The following CTNND2 variants were observed in gnomAD, a reference collection of about 807,000 sequenced individuals.
CTNND2 encodes the protein catenin delta 2.
In CTNND2, 22 loss-of-function variants were observed where a neutral mutation model predicts 144.4. The observed-to-expected ratio is 0.15, with a 90% CI of 0.11 to 0.22. The LOEUF (loss-of-function observed/expected upper bound fraction) is 0.22. Among genes scored for constraint, CTNND2 ranks in the 10% least tolerant of loss-of-function variants. The pLI is 1.00. For synonymous variants in CTNND2, 751 were observed against 695.6 expected (o/e 1.08, Z -1.25); for missense variants, 1,353 against 1,618.8 (o/e 0.84, Z 2.82).
rs1424619971 is a variant in CTNND2, at chr5:11,145,259, CA to C, written c.2159+14316del. The stretch of plus-strand genomic sequence containing the variant: ...CAATATTTTTTCATCTAAATCAAAG[CA>C]AAAAAATACAGGATGAAAATATTAC... On this transcript the variant is annotated intron_variant, in intron 12 of 21. Transcript: ENST00000304623. 2.6e-5 allele frequency among the ~76,000 whole-genome samples: 4 copies of C among 151,784 alleles called. No individual in the cohort carries two copies. The East Asian group carries it at 7.7e-4, about 29-fold the overall frequency.
intron 12 of CTNND2, among the ~76,000 whole-genome samples, chr5:11,135,050 A>G (rs950714592): frequency 7.9e-5 from 12 of 152,204 alleles, no homozygotes; most frequent in Admixed American, 3.3e-4. Context: ...CTTTTACAGT[A>G]CATGTGTCAG....
intron 1 of CTNND2, among the ~76,000 whole-genome samples, chr5:11,756,868 G>T (rs1016972194): frequency 6.6e-6 from 1 of 151,288 alleles, no homozygotes; most frequent in African/African-American, 2.4e-5. Context: ...GCTTTTAGTT[G>T]TTATGTGAAA....
intron 9 of CTNND2, among the ~76,000 whole-genome samples, chr5:11,336,455 G>A (rs1481576211): frequency 2.0e-5 from 3 of 152,150 alleles, no homozygotes; most frequent in African/African-American, 7.2e-5. Context: ...AGGAAAACAA[G>A]TCTTGTGTCT....
chr5:11,115,806 T>C (rs1027268475), intron 13 of CTNND2, among the ~76,000 whole-genome samples: 5 of 152,230 alleles, frequency 3.3e-5, no homozygotes, highest in Non-Finnish European at 2.9e-5. Flanking sequence ...CAGAGGTACC[T>C]TGCATTCAGA....
chr5:11,200,358 G>A (rs1737298681), intron 10 of CTNND2, among the ~76,000 whole-genome samples: 1 of 152,108 alleles, frequency 6.6e-6, no homozygotes, highest in South Asian at 2.1e-4. Flanking sequence ...TGTATTTTGA[G>A]ATGCATGTTC....
intron 10 of CTNND2, among the ~76,000 whole-genome samples, chr5:11,206,782 C>CT (rs1286372974): frequency 6.6e-6 from 1 of 152,170 alleles, no homozygotes; most frequent in East Asian, 1.9e-4. Flanking sequence ...TGAATAACTG[C>CT]TTTCCCTGAA....
intron 1 of CTNND2, among the ~76,000 whole-genome samples, chr5:11,824,065 T>C (rs1793469404): frequency 7.1e-6 from 1 of 140,938 alleles, no homozygotes. Context: ...ATTGCACCAC[T>C]GTACTCCAGC....
At chr5:10,986,018 A>C (rs1737900662) in intron 20 of CTNND2, among the ~76,000 whole-genome samples, 1 of 152,168 alleles carries the variant, frequency 6.6e-6, no homozygotes, top group Non-Finnish European at 1.5e-5. Flanking sequence ...CTTTAGAGGA[A>C]CTTCCCTATA....
At chr5:11,119,759 A>G (rs769095534) in intron 12 of CTNND2, among the ~76,000 whole-genome samples, 5 of 152,238 alleles carry the variant, frequency 3.3e-5, no homozygotes, top group Non-Finnish European at 7.3e-5. Flanking sequence ...GTGGCAAGTT[A>G]GCATTTCCAA....
intron 10 of CTNND2, among the ~76,000 whole-genome samples, chr5:11,216,565 C>G (rs1739222096): frequency 6.6e-6 from 1 of 152,196 alleles, no homozygotes. Context: ...ACCCTAGAGG[C>G]TCCAGAAAGG....
intron 2 of CTNND2, among the ~76,000 whole-genome samples, chr5:11,704,176 G>C (rs1267092341): frequency 1.3e-5 from 2 of 152,192 alleles, no homozygotes; most frequent in African/African-American, 4.8e-5. Flanking sequence ...CCTCAATAGT[G>C]CTCATCCCAT....
At chr5:11,687,774 T>C (rs763683713) in intron 2 of CTNND2, among the ~76,000 whole-genome samples, 3 of 152,138 alleles carry the variant, frequency 2.0e-5, no homozygotes, top group Non-Finnish European at 4.4e-5. Context: ...ACACAGTGTG[T>C]TGGAAGTAAA....
At chr5:11,661,900 C>T (rs1487694881) in intron 2 of CTNND2, among the ~76,000 whole-genome samples, 1 of 151,764 alleles carries the variant, frequency 6.6e-6, no homozygotes, top group Non-Finnish European at 1.5e-5. Context: ...ACCGTTCAAA[C>T]TCTGCCTCCT....
chr5:11,637,092 T>C (rs1283059889), intron 2 of CTNND2, among the ~76,000 whole-genome samples: 2 of 152,198 alleles, frequency 1.3e-5, no homozygotes, highest in Non-Finnish European at 2.9e-5. Flanking sequence ...AAAACAGCCA[T>C]TTCATTTAGT....
intron 2 of CTNND2, among the ~76,000 whole-genome samples, chr5:11,725,784 TTTA>T (rs1786983952): frequency 6.6e-6 from 1 of 152,210 alleles, no homozygotes; most frequent in South Asian, 2.1e-4. Context: ...ATTAAAGGAA[TTTA>T]TTGTCTGTTC....
chr5:11,403,026 T>A (rs962130988), intron 5 of CTNND2, among the ~76,000 whole-genome samples: 1 of 152,124 alleles, frequency 6.6e-6, no homozygotes, highest in East Asian at 1.9e-4. Flanking sequence ...GTCACTCAAC[T>A]TTTTTTCTTT....
At chr5:11,695,934 C>T (rs1785118928) in intron 2 of CTNND2, among the ~76,000 whole-genome samples, 1 of 152,140 alleles carries the variant, frequency 6.6e-6, no homozygotes, top group South Asian at 2.1e-4. Flanking sequence ...TCTTCAAAAA[C>T]AGTAGTTCAC....
chr5:11,792,510 A>G (rs1791189156), intron 1 of CTNND2, among the ~76,000 whole-genome samples: 1 of 152,238 alleles, frequency 6.6e-6, no homozygotes, highest in South Asian at 2.1e-4. Flanking sequence ...AGAAAGAGAA[A>G]AAGTCCTGAG....
At chr5:11,726,486 AC>A (rs1323410710) in intron 2 of CTNND2, among the ~76,000 whole-genome samples, 2 of 152,162 alleles carry the variant, frequency 1.3e-5, no homozygotes, top group East Asian at 3.9e-4. Flanking sequence ...AATAAAAAAA[AC>A]CCAATTCATT....
Sources: gnomAD v4.1 joint callset for allele counts (sites outside exome capture counted in the v4.1 genomes callset) on GRCh38, gnomAD v4.1.1 for gene constraint, MANE v1.5 for transcripts, NCBI Gene and HGNC (gene_info 2026-07-23, HGNC 2026-07-21) for gene names.